MCCC1: variants seen among roughly 807,000 people sequenced by gnomAD.
MCCC1 encodes methylcrotonoyl-CoA carboxylase subunit alpha, mitochondrial.
Under a neutral mutation model 83.8 loss-of-function variants are expected in MCCC1, and 64 were observed. The observed-to-expected ratio is 0.76, with a 90% CI of 0.62 to 0.94. The LOEUF is 0.94. Ranked by LOEUF, MCCC1 falls within the 40% of genes least tolerant of loss-of-function variation. The pLI, the probability that MCCC1 is intolerant of heterozygous loss-of-function variation, is 0.00. For missense variants in MCCC1, 807 were observed against 904.7 expected (o/e 0.89, Z 1.39); for synonymous variants, 322 against 315.4 (o/e 1.02, Z -0.22).
chr3:183,045,922 T>C (rs892124601), intron 9 of MCCC1, among the ~76,000 whole-genome samples: 4 of 152,202 alleles, frequency 2.6e-5, no homozygotes, highest in Non-Finnish European at 5.9e-5. Context: ...AACTTTTTTT[T>C]CCCTGATTGT....
chr3:183,070,979 G>A lies in MCCC1; in HGVS notation c.761+20C>T. On this transcript the variant is annotated intron_variant, in intron 7 of 18. Transcript: ENST00000265594. ...AATTTAATTTTTAAACTCTGAGTCA[G>A]AAAAATAAGGCCAACCCACCTCGGT... The A allele has an allele frequency of 2.5e-6, 4 of 1,611,006 alleles. No homozygotes were observed. The highest frequency in any genetic ancestry group is 3.4e-6 in the Non-Finnish European group (4 of 1,178,142).
At chr3:183,100,975 G>T (rs1188539975), upstream of MCCC1, among the ~76,000 whole-genome samples, 3 of 152,274 alleles carry the variant, frequency 2.0e-5, no homozygotes, top group African/African-American at 7.2e-5. Flanking sequence ...TGGGCTTGGT[G>T]GGCCCCGCAC....
At chr3:183,020,587 C>A (rs538690858) in intron 16 of MCCC1, among the ~76,000 whole-genome samples, 1 of 151,750 alleles carries the variant, frequency 6.6e-6, no homozygotes. Context: ...GCTAAGACTG[C>A]GCCACTGCAC....
intron 4 of MCCC1, among the ~76,000 whole-genome samples, chr3:183,076,052 G>A (rs1416468710): frequency 6.6e-6 from 1 of 152,176 alleles, no homozygotes; most frequent in Non-Finnish European, 1.5e-5. Flanking sequence ...TTTCTTTTGA[G>A]ATATGATTTA....
chr3:183,103,956 G>T (rs1719364663), upstream of MCCC1, among the ~76,000 whole-genome samples: 1 of 152,164 alleles, frequency 6.6e-6, no homozygotes, highest in Non-Finnish European at 1.5e-5. Flanking sequence ...ACTGCTGGGG[G>T]ACCCAGTACA....
intron 10 of MCCC1, among the ~76,000 whole-genome samples, chr3:183,043,350 C>T (rs1714273546): frequency 6.6e-6 from 1 of 152,232 alleles, no homozygotes; most frequent in South Asian, 2.1e-4. Context: ...TCCACTTGAG[C>T]CCAGAAAAGA....
At chr3:183,063,884 C>T (rs1026787215) in intron 7 of MCCC1, among the ~76,000 whole-genome samples, 8 of 152,160 alleles carry the variant, frequency 5.3e-5, no homozygotes, top group African/African-American at 1.4e-4. Context: ...TTTGGGTAAG[C>T]GGGGTGCATA....
rs540231419 is a variant in MCCC1 at position 183,084,419 on chromosome 3, C to A, written c.369+2274G>T. On this transcript the variant is annotated intron_variant, in intron 4 of 18. Coordinates refer to ENST00000265594, the MANE Select transcript of MCCC1 (RefSeq NM_020166.5). Reference sequence around the variant, plus strand: ...GTTAAAGGGCCTGAACTCCTAAGGACATGTGAGATACATATGTATATCTCC... The same window carrying A: ...GTTAAAGGGCCTGAACTCCTAAGGAAATGTGAGATACATATGTATATCTCC... Among the ~76,000 whole-genome samples, 125 of 152,294 alleles carry A rather than the reference C, an allele frequency of 8.2e-4. 1 individual carries two copies. Among genetic ancestry groups the A allele is most frequent in the African/African-American group, 2.9e-3 (122 of 41,558 alleles).
intron 2 of MCCC1, among the ~76,000 whole-genome samples, chr3:183,093,102 C>T (rs184668756): frequency 6.6e-6 from 1 of 152,210 alleles, no homozygotes; most frequent in Non-Finnish European, 1.5e-5. Flanking sequence ...CCACATTGGC[C>T]AGGCTGGTCT....
intron 4 of MCCC1, among the ~76,000 whole-genome samples, chr3:183,073,744 T>G (rs1716864061): frequency 6.6e-6 from 1 of 152,248 alleles, no homozygotes; most frequent in South Asian, 2.1e-4. Flanking sequence ...CCAAGAAACC[T>G]CAACATACAT....
chr3:183,054,865 T>C (rs544796806), intron 8 of MCCC1, among the ~76,000 whole-genome samples: 9 of 152,328 alleles, frequency 5.9e-5, no homozygotes, highest in South Asian at 2.1e-4. Context: ...ATACTTACCA[T>C]TGTGTTACAA....
At chr3:183,082,677 G>A (rs1560269392) in intron 4 of MCCC1, among the ~76,000 whole-genome samples, 1 of 152,168 alleles carries the variant, frequency 6.6e-6, no homozygotes, top group East Asian at 1.9e-4. Flanking sequence ...AAGACAACTG[G>A]CAATCGAGAG....
intron 9 of MCCC1, among the ~76,000 whole-genome samples, chr3:183,049,406 TA>T (rs909207481): frequency 6.6e-6 from 1 of 151,410 alleles, no homozygotes; most frequent in African/African-American, 2.4e-5. Context: ...CCATCTCTAC[TA>T]AAAAAATATA....
At chr3:183,036,595 A>G (rs1164763353) in intron 13 of MCCC1, among the ~76,000 whole-genome samples, 6 of 141,312 alleles carry the variant, frequency 4.2e-5, no homozygotes, top group South Asian at 2.2e-4. Context: ...GCTGGAGTGC[A>G]GTGGCGCGAT....
chr3:183,088,687 A>G (rs1718097479), intron 3 of MCCC1, among the ~76,000 whole-genome samples: 1 of 152,196 alleles, frequency 6.6e-6, no homozygotes, highest in African/African-American at 2.4e-5. Context: ...AACTAGTCAT[A>G]TATGTTTATA....
chr3:183,074,840 T>A (rs1362687265), intron 4 of MCCC1, among the ~76,000 whole-genome samples: 1 of 152,192 alleles, frequency 6.6e-6, no homozygotes, highest in Admixed American at 6.5e-5. Context: ...CAGTATTCAA[T>A]AGTTATCTTT....
intron 9 of MCCC1, among the ~76,000 whole-genome samples, chr3:183,051,767 G>A (rs1234096800): frequency 7.4e-6 from 1 of 135,340 alleles, no homozygotes; most frequent in Non-Finnish European, 1.6e-5. Context: ...GTGTTGGGGG[G>A]TATCCGAGTG....
chr3:183,032,989 G>C (rs775573577), intron 14 of MCCC1, among the ~76,000 whole-genome samples: 68 of 151,900 alleles, frequency 4.5e-4, no homozygotes, highest in Non-Finnish European at 8.2e-4. Context: ...AAAGTATTCT[G>C]CTCTACCTGG....
At chr3:183,029,525 C>T (rs1243472950) in intron 14 of MCCC1, among the ~76,000 whole-genome samples, 1 of 152,170 alleles carries the variant, frequency 6.6e-6, no homozygotes, top group Non-Finnish European at 1.5e-5. Flanking sequence ...CCTCGTACTC[C>T]TTCGCTTTTC....
Sources: allele counts gnomAD v4.1 joint callset (sites outside exome capture counted in the v4.1 genomes callset), GRCh38; gene constraint gnomAD v4.1.1; transcripts MANE v1.5; gene names NCBI Gene and HGNC (gene_info 2026-07-23, HGNC 2026-07-21).